The following SND1 variants were observed in gnomAD, a reference collection of about 807,000 sequenced individuals.
The protein encoded by SND1 is staphylococcal nuclease and tudor domain containing 1.
SND1 carries 38 observed loss-of-function variants against 121.7 expected under a neutral mutation model. The ratio of observed to expected loss-of-function variants is 0.31; its 90% confidence interval spans 0.24 to 0.41. SND1 has a LOEUF of 0.41. SND1 is among the 10% of genes least tolerant of loss of function. The probability of loss-of-function intolerance (pLI) is 1.00; values close to 1 mark genes in which losing one functional copy is unlikely to be tolerated. For synonymous variants in SND1, 401 were observed against 447.4 expected, an observed-to-expected ratio of 0.90 and a Z score of 1.31; for missense variants, 868 against 1,184.6, an observed-to-expected ratio of 0.73 and a Z score of 3.92.
At chr7:127,847,223 G>T (rs1024371066) in intron 12 of SND1, among the ~76,000 whole-genome samples, 6 of 152,166 alleles carry the variant, frequency 3.9e-5, no homozygotes, top group Non-Finnish European at 8.8e-5. Flanking sequence ...AGTGAGCCGA[G>T]ATCATGCCAC....
intron 15 of SND1, among the ~76,000 whole-genome samples, chr7:127,968,795 C>T (rs1165862600): frequency 2.0e-5 from 3 of 152,220 alleles, no homozygotes; most frequent in East Asian, 1.9e-4. Context: ...GATCCAACAT[C>T]TCCTGAACTG....
At chr7:127,968,927 C>T (rs773915656) in intron 15 of SND1, among the ~76,000 whole-genome samples, 18 of 152,174 alleles carry the variant, frequency 1.2e-4, no homozygotes, top group Non-Finnish European at 2.1e-4. Context: ...AATCAGCAAC[C>T]GCCCCCACAG....
chr7:128,068,059 G>A (rs1793347438), intron 16 of SND1, among the ~76,000 whole-genome samples: 1 of 152,114 alleles, frequency 6.6e-6, no homozygotes, highest in South Asian at 2.1e-4. Flanking sequence ...CTTTAGGAGA[G>A]GGACCTGGAT....
chr7:128,031,303 GCCCCGGCCCGCT>G (rs1792593610), intron 16 of SND1, among the ~76,000 whole-genome samples: 1 of 145,072 alleles, frequency 6.9e-6, no homozygotes, highest in Non-Finnish European at 1.5e-5. Flanking sequence ...CGCTCCGGCG[GCCCCGGCCCGCT>G]CTGCGGGCCG....
At chr7:128,013,036 G>A (rs993999821) in intron 16 of SND1, among the ~76,000 whole-genome samples, 2 of 152,092 alleles carry the variant, frequency 1.3e-5, no homozygotes, top group Non-Finnish European at 2.9e-5. Flanking sequence ...AGAAGGGCCT[G>A]GCTCATCTTT....
At chr7:127,769,794 G>T (rs1797482985) in intron 10 of SND1, among the ~76,000 whole-genome samples, 1 of 152,070 alleles carries the variant, frequency 6.6e-6, no homozygotes, top group South Asian at 2.1e-4. Context: ...CCATTACAAA[G>T]GCAACTGTAT....
At chr7:127,855,341 G>A (rs1799254749) in intron 12 of SND1, among the ~76,000 whole-genome samples, 1 of 151,948 alleles carries the variant, frequency 6.6e-6, no homozygotes, top group Non-Finnish European at 1.5e-5. Flanking sequence ...CGAACTCCTG[G>A]GCTCAAGCAG....
intron 15 of SND1, among the ~76,000 whole-genome samples, chr7:127,975,431 G>A (rs1160619554): frequency 4.6e-5 from 1 of 21,800 alleles, no homozygotes. Flanking sequence ...CCTCGTGTGT[G>A]TGTGTGTGTG....
intron 13 of SND1, among the ~76,000 whole-genome samples, chr7:127,900,423 T>C (rs2116757120): frequency 6.6e-6 from 1 of 152,306 alleles, no homozygotes; most frequent in South Asian, 2.1e-4. Flanking sequence ...TCTTGAGATT[T>C]TCTGGATGAA....
chr7:127,848,676 T>C (rs1799112155), intron 12 of SND1, among the ~76,000 whole-genome samples: 1 of 152,252 alleles, frequency 6.6e-6, no homozygotes, highest in Non-Finnish European at 1.5e-5. Context: ...AGCAGACTTC[T>C]GTAACTACAG....
chr7:128,089,739 C>A (rs1439062007), intron 22 of SND1, 47 bp downstream of exon 22: 2 of 1,539,576 alleles, frequency 1.3e-6, no homozygotes, highest in South Asian at 1.1e-5. Context: ...ACCACCCTCA[C>A]AGAGAAAGGG....
intron 2 of SND1, among the ~76,000 whole-genome samples, chr7:127,690,284 G>C (rs556464402): frequency 6.6e-6 from 1 of 152,080 alleles, no homozygotes; most frequent in Non-Finnish European, 1.5e-5. Flanking sequence ...GGTTACAAGC[G>C]CATTTGTGAT....
intron 15 of SND1, among the ~76,000 whole-genome samples, chr7:127,940,619 T>C (rs1801174929): frequency 6.6e-6 from 1 of 152,214 alleles, no homozygotes; most frequent in Non-Finnish European, 1.5e-5. Context: ...TTCAACCAGA[T>C]TTGACTGGGT....
intron 9 of SND1, among the ~76,000 whole-genome samples, chr7:127,714,411 G>GCTT (rs1796350461): frequency 6.6e-6 from 1 of 152,070 alleles, no homozygotes; most frequent in Non-Finnish European, 1.5e-5. Flanking sequence ...TTTTTGCTGT[G>GCTT]CTTCCAGTCA....
chr7:127,834,586 C>A (rs1219677504), intron 11 of SND1, among the ~76,000 whole-genome samples: 2 of 152,082 alleles, frequency 1.3e-5, no homozygotes, highest in Non-Finnish European at 2.9e-5. Context: ...ATTTAGTAGG[C>A]CTCTACTTTG....
chr7:127,760,295 C>G (rs1797279583), intron 10 of SND1, among the ~76,000 whole-genome samples: 1 of 152,154 alleles, frequency 6.6e-6, no homozygotes. Context: ...GTGTCGGAAA[C>G]CAGCCCCATC....
chr7:127,810,075 A>G (rs1798306082), intron 11 of SND1, among the ~76,000 whole-genome samples: 1 of 152,176 alleles, frequency 6.6e-6, no homozygotes, highest in African/African-American at 2.4e-5. Flanking sequence ...TTTTATATAG[A>G]ATCTTTCATA....
intron 15 of SND1, among the ~76,000 whole-genome samples, chr7:127,942,004 G>A (rs888774588): frequency 5.3e-5 from 8 of 150,712 alleles, no homozygotes; most frequent in African/African-American, 1.7e-4. Flanking sequence ...GGCATATTGC[G>A]TAGAGTGGCC....
At chr7:127,865,719 A>G (rs1218003740) in intron 12 of SND1, among the ~76,000 whole-genome samples, 1 of 151,764 alleles carries the variant, frequency 6.6e-6, no homozygotes, top group Non-Finnish European at 1.5e-5. Flanking sequence ...GGATCCTCCT[A>G]CTTCAGCTTC....
Sources: gnomAD v4.1 joint callset for allele counts (sites outside exome capture counted in the v4.1 genomes callset) on GRCh38, gnomAD v4.1.1 for gene constraint, MANE v1.5 for transcripts, NCBI Gene and HGNC (gene_info 2026-07-23, HGNC 2026-07-21) for gene names.